Variants in FGF14 observed in about 807,000 individuals in gnomAD.
FGF14 encodes the protein fibroblast growth factor 14.
A neutral mutation model predicts 25.5 loss-of-function variants in FGF14; 5 were observed. That is an observed-to-expected ratio of 0.20 (90% CI 0.10 to 0.41). FGF14 has a LOEUF of 0.41. Among genes scored for constraint, FGF14 ranks in the 10% least tolerant of loss-of-function variants. The probability of loss-of-function intolerance (pLI) is 1.00; values close to 1 mark genes in which losing one functional copy is unlikely to be tolerated. For missense variants in FGF14, 222 were observed against 320.1 expected, an observed-to-expected ratio of 0.69 and a Z score of 2.34; for synonymous variants, 138 against 118.3, an observed-to-expected ratio of 1.17 and a Z score of -1.08.
intron 1 of FGF14, among the ~76,000 whole-genome samples, chr13:101,878,779 A>G (rs1390247426): frequency 6.6e-6 from 1 of 152,136 alleles, no homozygotes; most frequent in Non-Finnish European, 1.5e-5. Context: ...CTAAATGCAC[A>G]TACCTTCAGA....
chr13:101,842,957 CCAAACTCGGA>C (rs939676107), intron 3 of FGF14, among the ~76,000 whole-genome samples: 1 of 152,010 alleles, frequency 6.6e-6, no homozygotes. Flanking sequence ...AGTGTCCTGG[CCAAACTCGGA>C]CAAACGATCA....
chr13:101,714,359 A>C lies in FGF14; in HGVS notation c.*8472T>G, dbSNP rs2034618750. ...GATGGGTTATTAGAAGCCTGTTGTC[A>C]GTGTGTCAACGATATTCTATTCGAG... On this transcript the variant is annotated 3_prime_UTR_variant, in exon 5 of 5. Coordinates refer to ENST00000376143, the MANE Select transcript of FGF14 (RefSeq NM_004115.4). 2 of 835,548 alleles carry C rather than the reference A, an allele frequency of 2.4e-6. No homozygotes were observed. The highest frequency in any genetic ancestry group is 2.4e-5 in the East Asian group (1 of 41,258). 51.8% of individuals were successfully genotyped at this position (835,548 alleles called of 1,614,324 possible).
intron 1 of FGF14, among the ~76,000 whole-genome samples, chr13:102,097,405 A>T (rs937611581): frequency 1.3e-5 from 2 of 152,160 alleles, no homozygotes; most frequent in Non-Finnish European, 2.9e-5. Flanking sequence ...GTTTTCCAAT[A>T]TGCTTTTAGA....
At chr13:102,208,266 G>A (rs9557834) in intron 1 of FGF14, among the ~76,000 whole-genome samples, 28,622 of 152,114 alleles carry the variant, frequency 0.19, 2,967 homozygotes, top group Non-Finnish European at 0.24. Context: ...CCTGGAGTGT[G>A]CTAAGACACA....
At chr13:102,251,703 T>C (rs1301814100) in intron 1 of FGF14, among the ~76,000 whole-genome samples, 2 of 152,146 alleles carry the variant, frequency 1.3e-5, no homozygotes, top group East Asian at 1.9e-4. Context: ...GTTGGGGCAA[T>C]TGGAACCCAG....
intron 3 of FGF14, among the ~76,000 whole-genome samples, chr13:101,837,857 A>C (rs2043002963): frequency 6.6e-6 from 1 of 151,974 alleles, no homozygotes; most frequent in Admixed American, 6.6e-5. Flanking sequence ...TTAACATTTG[A>C]GTCAGTGGAC....
intron 1 of FGF14, among the ~76,000 whole-genome samples, chr13:102,384,014 G>T (rs895454399): frequency 6.6e-6 from 1 of 152,104 alleles, no homozygotes; most frequent in African/African-American, 2.4e-5. Context: ...ATGATCAGAC[G>T]CAAGATGTTA....
chr13:102,079,307 TAC>T (rs1357723134), intron 1 of FGF14, among the ~76,000 whole-genome samples: 1 of 152,138 alleles, frequency 6.6e-6, no homozygotes, highest in East Asian at 1.9e-4. Flanking sequence ...CAGAATGAAA[TAC>T]AGTTTACTCT....
intron 1 of FGF14, among the ~76,000 whole-genome samples, chr13:102,131,124 G>T (rs1171550345): frequency 6.6e-6 from 1 of 152,152 alleles, no homozygotes; most frequent in Admixed American, 6.5e-5. Context: ...TCATAGACAT[G>T]AATTCCCTCC....
At chr13:101,810,502 C>T (rs931635168) in intron 3 of FGF14, among the ~76,000 whole-genome samples, 9 of 152,276 alleles carry the variant, frequency 5.9e-5, no homozygotes, top group Middle Eastern at 3.4e-3. Context: ...CTAATGCTGA[C>T]GACCATATCA....
At chr13:101,922,281 C>G (rs926687229) in intron 1 of FGF14, among the ~76,000 whole-genome samples, 7 of 152,172 alleles carry the variant, frequency 4.6e-5, no homozygotes, top group African/African-American at 1.7e-4. Context: ...GGATTACACA[C>G]AATCTCAACT....
chr13:102,287,757 A>G (rs543961345), intron 1 of FGF14, among the ~76,000 whole-genome samples: 1 of 152,268 alleles, frequency 6.6e-6, no homozygotes, highest in Admixed American at 6.5e-5. Flanking sequence ...TCCATGCTAA[A>G]CCCCTTACTT....
At chr13:102,136,525 C>T (rs2046416929) in intron 1 of FGF14, among the ~76,000 whole-genome samples, 1 of 152,136 alleles carries the variant, frequency 6.6e-6, no homozygotes, top group African/African-American at 2.4e-5. Flanking sequence ...AATGGGCTCC[C>T]TGATTCAAAT....
chr13:101,789,743 A>G (rs2040123249), intron 3 of FGF14, among the ~76,000 whole-genome samples: 1 of 152,040 alleles, frequency 6.6e-6, no homozygotes, highest in African/African-American at 2.4e-5. Flanking sequence ...CTTTTTATAG[A>G]TAGTATTAGT....
chr13:101,928,747 G>C (rs1339073995), intron 1 of FGF14, among the ~76,000 whole-genome samples: 1 of 152,136 alleles, frequency 6.6e-6, no homozygotes, highest in Non-Finnish European at 1.5e-5. Flanking sequence ...TGGTGTGCCA[G>C]GACCTCTCCA....
At chr13:102,142,239 C>T (rs1026456248) in intron 1 of FGF14, among the ~76,000 whole-genome samples, 2 of 152,104 alleles carry the variant, frequency 1.3e-5, no homozygotes, top group Non-Finnish European at 2.9e-5. Context: ...AAACTGATCC[C>T]AAATCTTGCA....
At chr13:101,785,001 T>C (rs1034992037) in intron 3 of FGF14, among the ~76,000 whole-genome samples, 14 of 152,276 alleles carry the variant, frequency 9.2e-5, no homozygotes, top group Admixed American at 5.2e-4. Flanking sequence ...ATTTATACTG[T>C]TCCACATGAA....
chr13:102,161,722 A>AAGG (rs2047779616), intron 1 of FGF14, among the ~76,000 whole-genome samples: 4 of 149,128 alleles, frequency 2.7e-5, no homozygotes, highest in Non-Finnish European at 6.0e-5. Flanking sequence ...GAAGAAGAAG[A>AAGG]AGAATAGAAA....
intron 1 of FGF14, among the ~76,000 whole-genome samples, chr13:102,398,455 G>A (rs2058631101): frequency 1.3e-5 from 2 of 152,102 alleles, no homozygotes; most frequent in Admixed American, 1.3e-4. Context: ...ATATAGGAAG[G>A]AAAATTAACC....
Sources: gnomAD v4.1 joint callset for allele counts (sites outside exome capture counted in the v4.1 genomes callset) on GRCh38, gnomAD v4.1.1 for gene constraint, MANE v1.5 for transcripts, NCBI Gene and HGNC (gene_info 2026-07-23, HGNC 2026-07-21) for gene names.